Variants in PDE10A observed in about 807,000 individuals in gnomAD.
PDE10A encodes phosphodiesterase 10A.
A neutral mutation model predicts 97.7 loss-of-function variants in PDE10A; 39 were observed. That is an observed-to-expected ratio of 0.40 (90% CI 0.31 to 0.52). PDE10A has a LOEUF of 0.52. PDE10A is among the 20% of genes least tolerant of loss of function. The pLI is 0.56. For missense variants in PDE10A, 731 were observed against 1,047.8 expected (o/e 0.70, Z 4.17); for synonymous variants, 371 against 376.8 (o/e 0.98, Z 0.18).
intron 2 of PDE10A, among the ~76,000 whole-genome samples, chr6:165,524,155 T>C (rs1260684686): frequency 6.6e-6 from 1 of 152,204 alleles, no homozygotes; most frequent in African/African-American, 2.4e-5. Context: ...GGCCTATTGT[T>C]GGACCTTGTG....
chr6:165,863,062 T>C (rs561546681), intron 1 of PDE10A, among the ~76,000 whole-genome samples: 243 of 152,358 alleles, frequency 1.6e-3, no homozygotes, highest in African/African-American at 5.7e-3. Flanking sequence ...TTTAGTCACA[T>C]ACATATTTAA....
chr6:165,425,770 C>CATATGTGTGTGTGTGTGTGT (rs112669910), intron 10 of PDE10A, among the ~76,000 whole-genome samples: 323 of 144,048 alleles, frequency 2.2e-3, no homozygotes, highest in South Asian at 3.5e-3. Context: ...AAGGCATGAT[C>CATATGTGTGTGTGTGTGTGT]GTGTGTGTGT....
At chr6:165,957,319 A>C (rs1784162636) in intron 1 of PDE10A, among the ~76,000 whole-genome samples, 1 of 152,096 alleles carries the variant, frequency 6.6e-6, no homozygotes, top group African/African-American at 2.4e-5. Flanking sequence ...CATCTCTACA[A>C]AAATTTAAAA....
intron 18 of PDE10A, among the ~76,000 whole-genome samples, chr6:165,365,504 C>T (rs866227618): frequency 6.6e-6 from 1 of 152,134 alleles, no homozygotes. Flanking sequence ...AAGACCAGCA[C>T]TGGCAACATA....
chr6:165,571,942 A>T (rs1785067800), intron 1 of PDE10A, among the ~76,000 whole-genome samples: 1 of 152,248 alleles, frequency 6.6e-6, no homozygotes, highest in African/African-American at 2.4e-5. Flanking sequence ...CCTAGTGACT[A>T]AGAAATGCTA....
intron 2 of PDE10A, among the ~76,000 whole-genome samples, chr6:165,542,118 T>C (rs940146528): frequency 1.4e-4 from 21 of 152,284 alleles, no homozygotes; most frequent in African/African-American, 5.1e-4. Flanking sequence ...TTTGTGTTTT[T>C]AATATAAAAG....
At chr6:165,540,265 T>C (rs867359373) in intron 2 of PDE10A, among the ~76,000 whole-genome samples, 34 of 152,268 alleles carry the variant, frequency 2.2e-4, no homozygotes, top group Middle Eastern at 6.8e-3. Context: ...TAAATCCTTT[T>C]GAAACAAAAT....
chr6:165,637,586 A>G (rs1372919579), intron 1 of PDE10A, among the ~76,000 whole-genome samples: 1 of 152,216 alleles, frequency 6.6e-6, no homozygotes, highest in Non-Finnish European at 1.5e-5. Context: ...GTCGGGCAGC[A>G]TAACAGGGTC....
intron 1 of PDE10A, among the ~76,000 whole-genome samples, chr6:165,955,439 C>T (rs1467739246): frequency 6.6e-6 from 1 of 152,128 alleles, no homozygotes; most frequent in African/African-American, 2.4e-5. Context: ...CCCTTATTTG[C>T]TCACACACCT....
Position 165,413,708 on chromosome 6 carries a change from A to AAAT in PDE10A, c.1890-24_1890-22dup, listed in dbSNP as rs754003351. The AAAT allele has an allele frequency of 1.9e-6, 3 of 1,576,778 alleles. No homozygotes were observed. The East Asian group carries it at 6.7e-5, about 35-fold the overall frequency. Reference sequence around the variant, plus strand: ...CTTCTCTGTGGGGTGACAGAACCAAAAATAACAACAACAACAAAAGGGCAG... The same window carrying AAAT: ...CTTCTCTGTGGGGTGACAGAACCAAAAATAATAACAACAACAACAAAAGGGCAG... On this transcript the variant is annotated intron_variant, in intron 12 of 21. Coordinates refer to ENST00000539869, the MANE Select transcript of PDE10A (RefSeq NM_001385079.1).
At chr6:165,500,413 A>G (rs1046352266) in intron 2 of PDE10A, among the ~76,000 whole-genome samples, 3 of 152,116 alleles carry the variant, frequency 2.0e-5, no homozygotes, top group African/African-American at 7.2e-5. Flanking sequence ...CCTAGCCCCA[A>G]CCCTGTGCTC....
At chr6:165,563,840 G>T (rs1784642570) in intron 1 of PDE10A, among the ~76,000 whole-genome samples, 1 of 151,468 alleles carries the variant, frequency 6.6e-6, no homozygotes, top group South Asian at 2.1e-4. Context: ...GCAGTTAGCT[G>T]AGATCGTGCC....
At chr6:165,707,783 T>C (rs569368301) in intron 1 of PDE10A, among the ~76,000 whole-genome samples, 1 of 152,068 alleles carries the variant, frequency 6.6e-6, no homozygotes, top group African/African-American at 2.4e-5. Flanking sequence ...GTGTGTGAGA[T>C]TGTGTTTATG....
At chr6:165,354,160 T>C (rs183393125) in intron 18 of PDE10A, among the ~76,000 whole-genome samples, 107 of 152,268 alleles carry the variant, frequency 7.0e-4, no homozygotes, top group Middle Eastern at 6.8e-3. Context: ...GAATTGGTAG[T>C]AAAGGCATGA....
intron 16 of PDE10A, among the ~76,000 whole-genome samples, chr6:165,390,883 C>T (rs220797): frequency 0.75 from 113,694 of 152,132 alleles, 43,718 homozygotes; most frequent in African/African-American, 0.9. Context: ...CAATCATACT[C>T]GCCTGGCATT....
intron 1 of PDE10A, among the ~76,000 whole-genome samples, chr6:165,577,710 C>T (rs1276346427): frequency 6.6e-6 from 1 of 152,338 alleles, no homozygotes; most frequent in East Asian, 1.9e-4. Context: ...TGGACTAGAG[C>T]AGCCCTCATG....
chr6:165,980,062 G>A (rs1477320701), intron 1 of PDE10A, among the ~76,000 whole-genome samples: 1 of 152,130 alleles, frequency 6.6e-6, no homozygotes, highest in Admixed American at 6.5e-5. Context: ...GCAGAGAGCA[G>A]GAGAAGAAAA....
At chr6:165,698,708 G>C (rs9355544) in intron 1 of PDE10A, among the ~76,000 whole-genome samples, 3 of 151,678 alleles carry the variant, frequency 2.0e-5, no homozygotes, top group Non-Finnish European at 4.4e-5. Flanking sequence ...AAATTAGCCA[G>C]ACGTGGCGGC....
intron 2 of PDE10A, among the ~76,000 whole-genome samples, chr6:165,482,999 C>T (rs537892994): frequency 2.0e-5 from 3 of 152,240 alleles, no homozygotes. Context: ...CAAGAAGATG[C>T]CTGTGTGACC....
Sources: gnomAD v4.1 joint callset for allele counts (sites outside exome capture counted in the v4.1 genomes callset) on GRCh38, gnomAD v4.1.1 for gene constraint, MANE v1.5 for transcripts, NCBI Gene and HGNC (gene_info 2026-07-23, HGNC 2026-07-21) for gene names.